The following COLGALT1 variants were observed in gnomAD, a reference collection of about 807,000 sequenced individuals.
The protein encoded by COLGALT1 is collagen beta(1-O)galactosyltransferase 1.
A neutral mutation model predicts 60.8 loss-of-function variants in COLGALT1; 43 were observed. That is an observed-to-expected ratio of 0.71 (90% CI 0.55 to 0.91). COLGALT1 has a LOEUF of 0.91. COLGALT1 is among the 40% of genes least tolerant of loss of function. COLGALT1 has a pLI of 0.00. For missense variants in COLGALT1, 845 were observed against 880.0 expected (o/e 0.96, Z 0.50); for synonymous variants, 369 against 374.2 (o/e 0.99, Z 0.16).
Position 17,580,846 on chromosome 19 carries a change from G to A in COLGALT1, c.1542G>A (p.Pro514=), listed in dbSNP as rs74461907. 5.7e-4 allele frequency: 912 copies of A among 1,613,912 alleles called. 8 individuals are homozygous for A. The East Asian group carries it at 0.014, about 24-fold the overall frequency. ...QGARKLLAAE[P]LSKMLPVDEF... ...CCCGCAAACTGCTGGCTGCTGAGCC[G>A]CTCTCCAAGATGCTGCCTGTGGACG... The change falls in exon 11 of 12, where the codon CCG becomes CCA. Residue 514 remains proline, a synonymous_variant. Coordinates refer to ENST00000252599, the MANE Select transcript of COLGALT1 (RefSeq NM_024656.4).
chr19:17,579,376 C>A, intron 9 of COLGALT1, 106 bp from the exon 10 acceptor site: 4 of 1,476,678 alleles, frequency 2.7e-6, no homozygotes, highest in South Asian at 1.2e-5. Flanking sequence ...GGGAGATGCA[C>A]TGGCTTCTCT....
At chr19:17,580,233 T>G in intron 10 of COLGALT1, 1 of 212,280 alleles carries the variant, frequency 4.7e-6, no homozygotes, top group East Asian at 1.3e-4. Context: ...GAGCCGTCCT[T>G]CTCTTCTGTA....
At chr19:17,567,570 C>T in intron 4 of COLGALT1, 30 bp downstream of exon 4, 2 of 1,604,052 alleles carry the variant, frequency 1.2e-6, no homozygotes, top group Non-Finnish European at 1.7e-6. Context: ...ACTGTGGGGA[C>T]TGGGCTGAGC....
intron 1 of COLGALT1, among the ~76,000 whole-genome samples, chr19:17,557,076 CAACTT>C (rs766316786): frequency 4.1e-4 from 63 of 152,222 alleles, no homozygotes; most frequent in Middle Eastern, 3.4e-3. Flanking sequence ...GTGTTATTGT[CAACTT>C]AATTTATTGG....
chr19:17,579,593 C>A lies in COLGALT1; in HGVS notation c.1378C>A (p.Leu460Met). Reference protein sequence around the residue: ...NLMRDVEREGLDWDLIYVGRK... With the variant: ...NLMRDVEREGMDWDLIYVGRK... ...CATGCGGGATGTGGAGCGGGAGGGC[C>A]TGGACTGGGACCTCATGTGAGTGGG... is the stretch of plus-strand genomic sequence containing the variant. Residue 460 changes from leucine (L) to methionine (M), a missense_variant, in exon 10 of 12, where the codon CTG becomes ATG. By Grantham distance (15) the Leu-to-Met change is conservative. Coordinates refer to ENST00000252599, the MANE Select transcript of COLGALT1 (RefSeq NM_024656.4). The A allele has an allele frequency of 6.7e-7, 1 of 1,495,810 alleles. No individual in the cohort carries two copies. Among genetic ancestry groups the A allele is most frequent in the African/African-American group, 1.5e-5 (1 of 68,536 alleles). The allele number at this position is 1,495,810 out of a possible 1,614,324, so 92.7% of individuals were successfully genotyped here.
intron 6 of COLGALT1, 125 bp downstream of exon 6, chr19:17,572,727 G>A: frequency 1.4e-6 from 2 of 1,382,206 alleles, no homozygotes; most frequent in Non-Finnish European, 2.0e-6. Flanking sequence ...GGGGTGCTGG[G>A]TGCAACGGCA....
At chr19:17,559,237 C>A in intron 1 of COLGALT1, 74 bp from the exon 2 acceptor site, 2 of 1,049,784 alleles carry the variant, frequency 1.9e-6, no homozygotes, top group Non-Finnish European at 2.9e-6. Flanking sequence ...GGATGGTGGT[C>A]CTTGACTTGC....
At position 17,555,968 on chromosome 19, in the gene COLGALT1, G is replaced by T. The variant is rs532186337; in HGVS notation, c.255G>T (p.Ala85=). Residue 85 remains alanine (A), a synonymous_variant, in exon 1 of 12, where the codon GCG becomes GCT. Transcript: ENST00000252599. The part of the protein sequence containing the change: ...ERLRHPRERT[A]LWVATDHNMD... ...TGCGGCACCCGCGGGAGCGCACGGC[G>T]CTATGGTGAGTCGAGCCCGCTGTCC... 4.4e-6 allele frequency: 6 copies of T among 1,357,140 alleles called. No homozygotes were observed. In the African/African-American group the frequency reaches 7.6e-5, roughly 17 times the overall value. The allele number at this position is 1,357,140 out of a possible 1,614,324, so 84.1% of individuals were successfully genotyped here.
At chr19:17,560,535 A>T in intron 3 of COLGALT1, 70 bp downstream of exon 3, 1 of 1,218,384 alleles carries the variant, frequency 8.2e-7, no homozygotes, top group South Asian at 1.2e-5. Flanking sequence ...GCGGAGCAGC[A>T]GGATGCCAGG....
At position 17,555,954 on chromosome 19, in the gene COLGALT1, C is replaced by A; in HGVS notation, c.241C>A (p.Arg81=). ...CGCACTCGAGCGGCTGCGGCACCCGCGGGAGCGCACGGCGCTATGGTGAGT... is the reference window on the plus strand; with the variant it reads ...CGCACTCGAGCGGCTGCGGCACCCGAGGGAGCGCACGGCGCTATGGTGAGT... ...LGALERLRHP[R]ERTALWVATD... is the part of the protein sequence containing the mutation. Residue 81 remains arginine, a synonymous_variant, in exon 1 of 12, where the codon CGG becomes AGG. Transcript: ENST00000252599. 1 of 1,379,794 alleles carries A rather than the reference C, an allele frequency of 7.2e-7. No homozygotes were observed. The allele number at this position is 1,379,794 out of a possible 1,614,324, so 85.5% of individuals were successfully genotyped here. A position where few individuals can be genotyped will look rare whatever the true frequency, so the allele number is the denominator to read the frequency against.
At chr19:17,559,147 G>A (rs62119893) in intron 1 of COLGALT1, among the ~76,000 whole-genome samples, 164 bp from the exon 2 acceptor site, 13,539 of 151,992 alleles carry the variant, frequency 0.089, 810 homozygotes, top group East Asian at 0.25. Context: ...GCAACAGAGC[G>A]AGACTCTGTC....
intron 5 of COLGALT1, among the ~76,000 whole-genome samples, chr19:17,570,859 C>T (rs1016708213): frequency 6.6e-6 from 1 of 152,048 alleles, no homozygotes; most frequent in Non-Finnish European, 1.5e-5. Flanking sequence ...GCCACCACAC[C>T]CGGCCAATTT....
chr19:17,560,920 G>A (rs1476441074), intron 3 of COLGALT1, among the ~76,000 whole-genome samples: 1 of 151,512 alleles, frequency 6.6e-6, no homozygotes, highest in Non-Finnish European at 1.5e-5. Flanking sequence ...TTATTTTTGT[G>A]GAAGCCAGGC....
At chr19:17,579,401 C>A in intron 9 of COLGALT1, 81 bp from the exon 10 acceptor site, 2 of 1,589,376 alleles carry the variant, frequency 1.3e-6, no homozygotes, top group Admixed American at 1.7e-5. Flanking sequence ...GTCTTTCAAA[C>A]CTTCTCAAAG....
chr19:17,572,362 T>A (rs1176953956), intron 5 of COLGALT1, 121 bp from the exon 6 acceptor site: 2 of 1,472,576 alleles, frequency 1.4e-6, no homozygotes, highest in African/African-American at 2.8e-5. Context: ...CAGGCTGGTC[T>A]CAGACACCTG....
At position 17,581,703 on chromosome 19, in the gene COLGALT1, T is replaced by C. The variant is rs2076383895; in HGVS notation, c.*259T>C. The C allele has an allele frequency of 1.8e-6, 1 of 540,868 alleles. No homozygotes were observed. The highest frequency in any genetic ancestry group is 3.3e-6 in the Non-Finnish European group (1 of 302,910). 33.5% of individuals were successfully genotyped at this position (540,868 alleles called of 1,614,324 possible). ...CTTCATCTGTTCATGTGCCCAGCAT[T>C]TATTAAGCACCTGCTGTATGCAAGG... On this transcript the variant is annotated 3_prime_UTR_variant, in exon 12 of 12. Coordinates refer to ENST00000252599, the MANE Select transcript of COLGALT1 (RefSeq NM_024656.4).
At chr19:17,578,776 C>T (rs141980921) in intron 9 of COLGALT1, among the ~76,000 whole-genome samples, 206 of 151,960 alleles carry the variant, frequency 1.4e-3, no homozygotes, top group African/African-American at 4.5e-3. Context: ...TTTGGGAGGC[C>T]GAGGCAGGCG....
At chr19:17,577,566 G>A (rs141961662) in intron 8 of COLGALT1, 99 bp downstream of exon 8, 23 of 1,150,020 alleles carry the variant, frequency 2.0e-5, no homozygotes, top group Admixed American at 2.9e-5. Flanking sequence ...GGGCGGGCGT[G>A]GTGTCCAAAC....
chr19:17,577,538 G>GTA, intron 8 of COLGALT1, 71 bp downstream of exon 8: 1 of 1,328,848 alleles, frequency 7.5e-7, no homozygotes, highest in Admixed American at 2.8e-5. Context: ...GCTGGTAGAC[G>GTA]GCAAGTGATT....
Sources: allele counts gnomAD v4.1 joint callset (sites outside exome capture counted in the v4.1 genomes callset), GRCh38; gene constraint gnomAD v4.1.1; transcripts MANE v1.5; gene names NCBI Gene and HGNC (gene_info 2026-07-23, HGNC 2026-07-21).